The following PRR16 variants were observed in gnomAD, a reference collection of about 807,000 sequenced individuals.
The protein encoded by PRR16 is protein Largen.
PRR16 carries 6 observed loss-of-function variants against 18.2 expected under a neutral mutation model. That is an observed-to-expected ratio of 0.33 (90% CI 0.18 to 0.65). PRR16 has a LOEUF of 0.65. Among genes scored for constraint, PRR16 ranks in the 30% least tolerant of loss-of-function variants. PRR16 has a pLI of 0.74. For synonymous variants in PRR16, 151 were observed against 147.8 expected (o/e 1.02, Z -0.16); for missense variants, 412 against 376.6 (o/e 1.09, Z -0.78).
chr5:120,754,420 T>G, the PRR16 span, among the ~76,000 whole-genome samples: 2 of 94,772 alleles, frequency 2.1e-5, no homozygotes, highest in Non-Finnish European at 3.8e-5. Flanking sequence ...ATACTATATA[T>G]TATATAATAT....
At chr5:120,571,115 G>T (rs1277068675) in intron 1 of PRR16, among the ~76,000 whole-genome samples, 5 of 152,158 alleles carry the variant, frequency 3.3e-5, no homozygotes, top group Non-Finnish European at 1.5e-5. Context: ...TTTTAAAAAT[G>T]TGTGCTTTTA....
chr5:120,505,846 A>T (rs1359970963), intron 1 of PRR16, among the ~76,000 whole-genome samples: 2 of 151,776 alleles, frequency 1.3e-5, no homozygotes, highest in African/African-American at 4.8e-5. Flanking sequence ...AAGTATGTAT[A>T]TATGTATGTA....
At chr5:120,706,960 A>G in the PRR16 span, among the ~76,000 whole-genome samples, 1 of 152,184 alleles carries the variant, frequency 6.6e-6, no homozygotes, top group South Asian at 2.1e-4. Flanking sequence ...TAGGGACATT[A>G]TACATAGGGA....
At chr5:120,520,865 TTTTAA>T (rs1380798374) in intron 1 of PRR16, among the ~76,000 whole-genome samples, 33 of 152,174 alleles carry the variant, frequency 2.2e-4, no homozygotes, top group African/African-American at 7.2e-4. Flanking sequence ...ATATATTTTC[TTTTAA>T]TTTATTTTAT....
At chr5:120,564,796 C>G (rs1179869056) in intron 1 of PRR16, among the ~76,000 whole-genome samples, 1 of 151,992 alleles carries the variant, frequency 6.6e-6, no homozygotes, top group African/African-American at 2.4e-5. Flanking sequence ...ACCATCCTGG[C>G]TAAAATGGTG....
the PRR16 span, among the ~76,000 whole-genome samples, chr5:120,764,946 G>C: frequency 1.3e-5 from 2 of 151,918 alleles, no homozygotes; most frequent in African/African-American, 4.8e-5. Flanking sequence ...TGCCTGTGTT[G>C]ATCATTTCTC....
chr5:120,788,844 T>A, the PRR16 span, among the ~76,000 whole-genome samples: 1 of 151,994 alleles, frequency 6.6e-6, no homozygotes, highest in African/African-American at 2.4e-5. Flanking sequence ...GAGTTACTGA[T>A]TTTTTTTCCT....
At chr5:120,735,759 A>G in the PRR16 span, among the ~76,000 whole-genome samples, 4 of 152,114 alleles carry the variant, frequency 2.6e-5, no homozygotes, top group Non-Finnish European at 5.9e-5. Context: ...TATGATTTAC[A>G]AAAATTTCCT....
the PRR16 span, among the ~76,000 whole-genome samples, chr5:120,734,453 C>T: frequency 6.6e-6 from 1 of 152,140 alleles, no homozygotes; most frequent in Non-Finnish European, 1.5e-5. Context: ...ATTGTCATTA[C>T]ATCTAGAACT....
In PRR16 at chr5:120,514,729, A is replaced by G. The variant is rs560076203; in HGVS notation, c.159+50084A>G. On this transcript the variant is annotated intron_variant, in intron 1 of 1. Coordinates refer to ENST00000407149, the MANE Select transcript of PRR16 (RefSeq NM_001300783.2). Reference sequence around the variant, plus strand: ...CATTTCTATCCAAGACCTCATCACAATGTCCTTTTTTGTCCACATTTCTAC... The same window carrying G: ...CATTTCTATCCAAGACCTCATCACAGTGTCCTTTTTTGTCCACATTTCTAC... 4.6e-5 allele frequency among the ~76,000 whole-genome samples: 7 copies of G among 152,254 alleles called. 1 individual carries two copies. The South Asian group carries it at 6.2e-4, about 14-fold the overall frequency.
intron 1 of PRR16, among the ~76,000 whole-genome samples, chr5:120,506,647 CA>C (rs1750655101): frequency 6.6e-6 from 1 of 152,094 alleles, no homozygotes; most frequent in Admixed American, 6.6e-5. Context: ...AACAGGTCCA[CA>C]GTGTTATCAA....
At chr5:120,641,340 A>G (rs1052933600) in intron 1 of PRR16, among the ~76,000 whole-genome samples, 12 of 152,166 alleles carry the variant, frequency 7.9e-5, no homozygotes, top group Non-Finnish European at 7.3e-5. Context: ...AGGGAGGCAG[A>G]CAGACCAATA....
intron 1 of PRR16, among the ~76,000 whole-genome samples, chr5:120,652,695 A>T (rs1472660225): frequency 1.3e-5 from 2 of 152,002 alleles, no homozygotes; most frequent in Non-Finnish European, 2.9e-5. Flanking sequence ...TGAGAAATTG[A>T]GAGAGCCTAA....
intron 1 of PRR16, among the ~76,000 whole-genome samples, chr5:120,665,170 C>A (rs1178267729): frequency 1.6e-5 from 2 of 128,842 alleles, no homozygotes; most frequent in African/African-American, 5.5e-5. Flanking sequence ...GAGATGGTAT[C>A]TCATTGTGGT....
At chr5:120,746,516 T>G in the PRR16 span, among the ~76,000 whole-genome samples, 1 of 152,292 alleles carries the variant, frequency 6.6e-6, no homozygotes, top group East Asian at 1.9e-4. Context: ...ATTTTGTCAA[T>G]ATTTTTCCAT....
At chr5:120,566,069 G>A (rs1239756464) in intron 1 of PRR16, among the ~76,000 whole-genome samples, 1 of 152,180 alleles carries the variant, frequency 6.6e-6, no homozygotes, top group Non-Finnish European at 1.5e-5. Flanking sequence ...TTAAGTTAGA[G>A]ACAGGACCTT....
the PRR16 span, among the ~76,000 whole-genome samples, chr5:120,754,590 A>AT: frequency 2.7e-5 from 3 of 109,916 alleles, no homozygotes; most frequent in African/African-American, 3.6e-5. Context: ...TATATATTAT[A>AT]TATAATATAT....
At chr5:120,487,570 A>G (rs1300094354) in intron 1 of PRR16, among the ~76,000 whole-genome samples, 1 of 152,082 alleles carries the variant, frequency 6.6e-6, no homozygotes, top group Non-Finnish European at 1.5e-5. Context: ...GGTTTTCTAG[A>G]TATACAATCA....
At chr5:120,530,289 T>A (rs868381838) in intron 1 of PRR16, among the ~76,000 whole-genome samples, 7,965 of 115,800 alleles carry the variant, frequency 0.069, 400 homozygotes, top group African/African-American at 0.15. Context: ...ATATATTTAT[T>A]TATTTATTTA....
Sources: allele counts gnomAD v4.1 joint callset (sites outside exome capture counted in the v4.1 genomes callset), GRCh38; gene constraint gnomAD v4.1.1; transcripts MANE v1.5; gene names NCBI Gene and HGNC (gene_info 2026-07-23, HGNC 2026-07-21).